Variants in ANKRD45 observed in about 807,000 individuals in gnomAD.
ANKRD45 encodes the protein ankyrin repeat domain 45.
ANKRD45 carries 21 observed loss-of-function variants against 28.1 expected under a neutral mutation model. The ratio of observed to expected loss-of-function variants is 0.75; its 90% CI spans 0.53 to 1.08. The LOEUF (loss-of-function observed/expected upper bound fraction) is 1.08, where lower values mean the gene tolerates loss of function less well. Among genes scored for constraint, ANKRD45 ranks in the 50% least tolerant of loss-of-function variants. The pLI is 0.00. For synonymous variants in ANKRD45, 86 were observed against 103.9 expected (o/e 0.83, Z 1.05); for missense variants, 261 against 308.7 (o/e 0.85, Z 1.16).
At chr1:173,661,909 C>T (rs148270478) in intron 1 of ANKRD45, among the ~76,000 whole-genome samples, 1 of 152,008 alleles carries the variant, frequency 6.6e-6, no homozygotes, top group African/African-American at 2.4e-5. Flanking sequence ...TAGGAAATAA[C>T]AGGGAAGTGA....
the ANKRD45 span, among the ~76,000 whole-genome samples, chr1:173,697,243 A>G: frequency 6.6e-6 from 1 of 152,256 alleles, no homozygotes; most frequent in Non-Finnish European, 1.5e-5. Flanking sequence ...AACATTCTTC[A>G]GGATATTATC....
chr1:173,643,608 A>G (rs1431766315), intron 3 of ANKRD45, among the ~76,000 whole-genome samples: 1 of 152,158 alleles, frequency 6.6e-6, no homozygotes, highest in Admixed American at 6.5e-5. Flanking sequence ...ATGATTATAG[A>G]TTAATGTTTT....
At chr1:173,638,148 C>T (rs893690579) in intron 3 of ANKRD45, among the ~76,000 whole-genome samples, 1 of 151,700 alleles carries the variant, frequency 6.6e-6, no homozygotes, top group Non-Finnish European at 1.5e-5. Context: ...GGACAGAGTG[C>T]ATGAACACAA....
At chr1:173,678,594 T>C in the ANKRD45 span, among the ~76,000 whole-genome samples, 2,118 of 152,188 alleles carry the variant, frequency 0.014, 54 homozygotes, top group African/African-American at 0.049. Flanking sequence ...ATGACAAACC[T>C]ACAGCCAATA....
chr1:173,650,923 G>C (rs1432014771), intron 2 of ANKRD45, among the ~76,000 whole-genome samples: 2 of 152,084 alleles, frequency 1.3e-5, no homozygotes, highest in Non-Finnish European at 2.9e-5. Flanking sequence ...CATATCCTTT[G>C]CCCACTTTTT....
rs1189076542 is a variant in ANKRD45 at position 173,608,983 on chromosome 1, A to G, written c.*1162T>C. Among the ~76,000 whole-genome samples the G allele has an allele frequency of 1.4e-5, 2 of 144,836 alleles. No individual in the cohort carries two copies. The highest frequency in any genetic ancestry group is 2.6e-5 in the African/African-American group (1 of 38,812). ...AGGAAGGAGAAGGGGAAGGGAAGGG[A>G]AAAGGGAGAAGGGAGAAGGAGGGTA... On this transcript the variant is annotated 3_prime_UTR_variant, in exon 6 of 6. Coordinates refer to ENST00000333279, the MANE Select transcript of ANKRD45 (RefSeq NM_198493.3).
chr1:173,688,868 C>T, the ANKRD45 span, among the ~76,000 whole-genome samples: 15 of 151,714 alleles, frequency 9.9e-5, no homozygotes, highest in Admixed American at 9.9e-4. Context: ...CCTGCCTGTG[C>T]CAGCTGCTTA....
At position 173,627,095 on chromosome 1, in the gene ANKRD45, C is replaced by G. The variant is rs1269244607; in HGVS notation, c.561G>C (p.Lys187Asn). The part of the protein sequence containing the change: ...KVSLAVTDTE[K>N]GSGKLLKEDK... Reference sequence around the variant, plus strand: ...CTTCCTTAAGGAGTTTCCCTGATCCCTTTTCTGTGTCAGTAACAGCTAAAG... The same window carrying G: ...CTTCCTTAAGGAGTTTCCCTGATCCGTTTTCTGTGTCAGTAACAGCTAAAG... Residue 187 changes from lysine (K) to asparagine (N), a missense_variant, in exon 4 of 6, where the codon AAG becomes AAC. Lys to Asn is a moderately conservative substitution (Grantham distance 94). Coordinates refer to ENST00000333279, the MANE Select transcript of ANKRD45 (RefSeq NM_198493.3). The G allele has an allele frequency of 1.2e-6, 2 of 1,612,544 alleles. No homozygotes were observed. Among genetic ancestry groups the G allele is most frequent in the Admixed American group, 3.3e-5 (2 of 59,990 alleles).
At chr1:173,657,485 G>C (rs1437398300) in intron 2 of ANKRD45, 1 of 159,986 alleles carries the variant, frequency 6.3e-6, no homozygotes, top group African/African-American at 2.4e-5. Flanking sequence ...AAAAAAAAGA[G>C]AACAACAAAT....
Position 173,620,176 on chromosome 1 carries a change from T to G in ANKRD45, c.730+4611A>C, listed in dbSNP as rs147715600. On this transcript the variant is annotated intron_variant, in intron 5 of 5. Coordinates refer to ENST00000333279, the MANE Select transcript of ANKRD45 (RefSeq NM_198493.3). ...CGTTCTTCTCATCACCACGTGGCAC[T>G]TACTCAAAAATTGATCACATATGCA... 1.1e-3 allele frequency among the ~76,000 whole-genome samples: 170 copies of G among 152,314 alleles called. 1 individual carries two copies. Among genetic ancestry groups the G allele is most frequent in the African/African-American group, 4.0e-3 (167 of 41,578 alleles).
the ANKRD45 span, among the ~76,000 whole-genome samples, chr1:173,674,900 A>T: frequency 6.6e-6 from 1 of 152,168 alleles, no homozygotes; most frequent in Non-Finnish European, 1.5e-5. Flanking sequence ...AAAAGAAATG[A>T]GTCTCTGGTC....
chr1:173,637,195 C>A, intron 3 of ANKRD45: 1 of 573,420 alleles, frequency 1.7e-6, no homozygotes, highest in Non-Finnish European at 3.0e-6. Flanking sequence ...TGTTACTTCC[C>A]ATTCAATTAA....
intron 3 of ANKRD45, among the ~76,000 whole-genome samples, chr1:173,629,023 C>G (rs1668070373): frequency 6.6e-6 from 1 of 152,190 alleles, no homozygotes; most frequent in African/African-American, 2.4e-5. Flanking sequence ...CACATCTTAC[C>G]CAAGACCATT....
At position 173,665,811 on chromosome 1, in the gene ANKRD45, C is replaced by T. The variant is rs536901740; in HGVS notation, c.-16+4006G>A. Among the ~76,000 whole-genome samples, 11 of 152,030 alleles carry T rather than the reference C, an allele frequency of 7.2e-5. No homozygotes were observed. The South Asian group carries it at 2.1e-3, about 29-fold the overall frequency. ...ATCACTTGAGTTCAGGAGTTCGAGA[C>T]CAGCTTGGGCAACACAGCGAAACCC... On this transcript the variant is annotated intron_variant, in intron 1 of 5. Coordinates refer to ENST00000333279, the MANE Select transcript of ANKRD45 (RefSeq NM_198493.3).
At chr1:173,687,934 C>T in the ANKRD45 span, among the ~76,000 whole-genome samples, 2 of 151,936 alleles carry the variant, frequency 1.3e-5, no homozygotes, top group African/African-American at 4.8e-5. Context: ...ATTTAGATCC[C>T]CTGCTAGGAA....
chr1:173,688,318 TTCTC>T, the ANKRD45 span, among the ~76,000 whole-genome samples: 1 of 149,270 alleles, frequency 6.7e-6, no homozygotes, highest in African/African-American at 2.5e-5. Context: ...CTGTCTCTCT[TTCTC>T]TCTCTGACTC....
Position 173,659,164 on chromosome 1 carries a change from G to A in ANKRD45, c.255C>T (p.Cys85=). The change falls in exon 2 of 6, where the codon TGC becomes TGT. Residue 85 remains cysteine, a synonymous_variant. Coordinates refer to ENST00000333279, the MANE Select transcript of ANKRD45 (RefSeq NM_198493.3). ...IVGRNLLYAA[C]MAGQSDVIRA... ...TAATCACGTCACTTTGCCCAGCCATGCAAGCTGCATACAACAAATTTCTCC... is the reference window on the plus strand; with the variant it reads ...TAATCACGTCACTTTGCCCAGCCATACAAGCTGCATACAACAAATTTCTCC... 1.9e-6 allele frequency: 3 copies of A among 1,614,094 alleles called. No individual in the cohort carries two copies. The highest frequency in any genetic ancestry group is 2.5e-6 in the Non-Finnish European group (3 of 1,180,012).
chr1:173,653,091 A>AGT (rs1558139798), intron 2 of ANKRD45, among the ~76,000 whole-genome samples: 1 of 151,892 alleles, frequency 6.6e-6, no homozygotes, highest in Non-Finnish European at 1.5e-5. Context: ...TTGTGTCTCT[A>AGT]TCTCCTTCAG....
In ANKRD45 at chr1:173,610,087, T is replaced by C. The variant is rs889661804; in HGVS notation, c.*58A>G. 6 of 1,502,368 alleles carry C rather than the reference T, an allele frequency of 4.0e-6. No homozygotes were observed. The African/African-American group carries it at 8.4e-5, about 21-fold the overall frequency. 93.1% of individuals were successfully genotyped at this position (1,502,368 alleles called of 1,614,324 possible). A position where few individuals can be genotyped will look rare whatever the true frequency, so the allele number is the denominator to read the frequency against. On this transcript the variant is annotated 3_prime_UTR_variant, in exon 6 of 6. Transcript: ENST00000333279. ...TCTGTTTTCTCGATTTCAAATGGCA[T>C]GAATAGGTTTGCCTTTCAGATACTA...
Sources: gnomAD v4.1 joint callset for allele counts (sites outside exome capture counted in the v4.1 genomes callset) on GRCh38, gnomAD v4.1.1 for gene constraint, MANE v1.5 for transcripts, NCBI Gene and HGNC (gene_info 2026-07-23, HGNC 2026-07-21) for gene names.